Variants in IL22 observed in about 807,000 individuals in gnomAD.
The protein encoded by IL22 is interleukin 22.
IL22 carries 15 observed loss-of-function variants against 15.5 expected under a neutral mutation model. The ratio of observed to expected loss-of-function variants is 0.97; its 90% CI spans 0.65 to 1.49. IL22 has a LOEUF of 1.49. Among genes scored for constraint, IL22 ranks in the 40% most tolerant of loss-of-function variants. The probability of loss-of-function intolerance (pLI) is 0.00; values close to 1 mark genes in which losing one functional copy is unlikely to be tolerated. For missense variants in IL22, 225 were observed against 215.4 expected, an observed-to-expected ratio of 1.04 and a Z score of -0.28; for synonymous variants, 91 against 82.0, an observed-to-expected ratio of 1.11 and a Z score of -0.60.
At chr12:68,250,021 T>C (rs1184226977) in intron 5 of IL22, among the ~76,000 whole-genome samples, 2 of 152,202 alleles carry the variant, frequency 1.3e-5, no homozygotes, top group African/African-American at 4.8e-5. Flanking sequence ...AGGGAATTAA[T>C]GCCTCCCAAA....
At chr12:68,249,682 A>T (rs989198667) in intron 5 of IL22, among the ~76,000 whole-genome samples, 1 of 152,254 alleles carries the variant, frequency 6.6e-6, no homozygotes, top group African/African-American at 2.4e-5. Flanking sequence ...TCTCCAAGTC[A>T]AATGCAGATG....
intron 1 of IL22, 38 bp from the exon 2 acceptor site, chr12:68,253,532 G>T: frequency 9.3e-7 from 1 of 1,079,806 alleles, no homozygotes; most frequent in Non-Finnish European, 1.3e-6. Context: ...AATTAGTCAA[G>T]AAGTATTTCA....
chr12:68,253,272 C>A lies in IL22; in HGVS notation c.177G>T (p.Leu59=). ...QPYITNRTFM[L]AKEASLADNN... ...GGATTGAGATGTATACCTCCTTAGC[C>A]AGCATGAAGGTGCGGTTGGTGATAT... Residue 59 remains leucine (L), a synonymous_variant, in exon 2 of 6, where the codon CTG becomes CTT. Coordinates refer to ENST00000538666, the MANE Select transcript of IL22 (RefSeq NM_020525.5). 1.2e-6 allele frequency: 2 copies of A among 1,612,934 alleles called. No homozygotes were observed. Among genetic ancestry groups the A allele is most frequent in the Non-Finnish European group, 1.7e-6 (2 of 1,179,368 alleles).
intron 5 of IL22, among the ~76,000 whole-genome samples, chr12:68,250,575 G>T (rs115609072): frequency 6.6e-6 from 1 of 152,206 alleles, no homozygotes; most frequent in East Asian, 1.9e-4. Context: ...GTACCTGCTT[G>T]CAAGAGCGTC....
In IL22 at chr12:68,250,346, C is replaced by T. The variant is rs533254438; in HGVS notation, c.462+1167G>A. 4.6e-5 allele frequency among the ~76,000 whole-genome samples: 7 copies of T among 152,296 alleles called. No individual in the cohort carries two copies. In the South Asian group the frequency reaches 6.2e-4, roughly 14 times the overall value. ...CTGTGGCATGCTAACATTCAGCCCTCCATGTCTAGATAATAGTTCTATAAC... is the reference window on the plus strand; with the variant it reads ...CTGTGGCATGCTAACATTCAGCCCTTCATGTCTAGATAATAGTTCTATAAC... On this transcript the variant is annotated intron_variant, in intron 5 of 5. Coordinates refer to ENST00000538666, the MANE Select transcript of IL22 (RefSeq NM_020525.5).
chr12:68,251,498 A>G lies in IL22; in HGVS notation c.462+15T>C. ...TCCTATTGCATGACTTAGCATTGAC[A>G]GTTATCAGTCCTACCTTTTTCACTG... On this transcript the variant is annotated intron_variant, in intron 5 of 5. Coordinates refer to ENST00000538666, the MANE Select transcript of IL22 (RefSeq NM_020525.5). 6.3e-7 allele frequency: 1 copy of G among 1,579,898 alleles called. No individual in the cohort carries two copies. The highest frequency in any genetic ancestry group is 8.7e-7 in the Non-Finnish European group (1 of 1,148,844).
chr12:68,250,954 A>G (rs1869907629), intron 5 of IL22, among the ~76,000 whole-genome samples: 1 of 152,182 alleles, frequency 6.6e-6, no homozygotes. Flanking sequence ...TGATAATTCA[A>G]AATAAGTGTT....
At chr12:68,250,230 G>A (rs541089195) in intron 5 of IL22, among the ~76,000 whole-genome samples, 37 of 152,306 alleles carry the variant, frequency 2.4e-4, no homozygotes, top group African/African-American at 8.7e-4. Flanking sequence ...ATCACCATGA[G>A]ATTCTCCTCT....
Position 68,249,593 on chromosome 12 carries a change from G to A in IL22, c.463-717C>T, listed in dbSNP as rs114686546. Among the ~76,000 whole-genome samples, 404 of 152,222 alleles carry A rather than the reference G, an allele frequency of 2.7e-3. 3 individuals carry two copies. Among genetic ancestry groups the A allele is most frequent in the African/African-American group, 9.5e-3 (394 of 41,546 alleles). ...AAAAGAAAAGTTTTCACTTTTGTGG[G>A]AAAAATACCAAATAAGTCTTTTCCA... On this transcript the variant is annotated intron_variant, in intron 5 of 5. Coordinates refer to ENST00000538666, the MANE Select transcript of IL22 (RefSeq NM_020525.5).
At chr12:68,251,961 C>T (rs1869946447) in intron 4 of IL22, among the ~76,000 whole-genome samples, 1 of 152,186 alleles carries the variant, frequency 6.6e-6, no homozygotes, top group East Asian at 1.9e-4. Context: ...TTCAGTAAGT[C>T]CTAGGGCCTT....
Position 68,253,287 on chromosome 12 carries a change from G to A in IL22, c.162C>T (p.Asn54=), listed in dbSNP as rs866365966. The change falls in exon 2 of 6, where the codon AAC becomes AAT. Residue 54 remains asparagine (N), a synonymous_variant. Transcript: ENST00000538666. ...KSNFQQPYIT[N]RTFMLAKEAS... is the part of the protein sequence containing the mutation. ...CCTCCTTAGCCAGCATGAAGGTGCG[G>A]TTGGTGATATAGGGCTGCTGGAAGT... The A allele has an allele frequency of 6.2e-7, 1 of 1,613,608 alleles. No homozygotes were observed. Among genetic ancestry groups the A allele is most frequent in the South Asian group, 1.1e-5 (1 of 90,992 alleles).
Position 68,253,504 on chromosome 12 carries a change from G to A in IL22, c.-46-10C>T. On this transcript the variant is annotated splice_polypyrimidine_tract_variant and intron_variant, in intron 1 of 5. Transcript: ENST00000538666. Reference sequence around the variant, plus strand: ...ACTGGGGAAGGAGAACCTGGTCGAAGACAACGTGAAGGAACAAAATTAGTC... The same window carrying A: ...ACTGGGGAAGGAGAACCTGGTCGAAAACAACGTGAAGGAACAAAATTAGTC... 7.1e-7 allele frequency: 1 copy of A among 1,408,540 alleles called. No individual in the cohort carries two copies. The highest frequency in any genetic ancestry group is 9.6e-7 in the Non-Finnish European group (1 of 1,036,480). 87.3% of individuals were successfully genotyped at this position (1,408,540 alleles called of 1,614,324 possible).
rs1443628924 is a variant in IL22 at position 68,251,557 on chromosome 12, G to A, written c.418C>T (p.His140Tyr). Residue 140 changes from histidine to tyrosine, a missense_variant, in exon 5 of 6, where the codon CAT becomes TAT. Coordinates refer to ENST00000538666, the MANE Select transcript of IL22 (RefSeq NM_020525.5). ...STCHIEGDDL[H>Y]IQRNVQKLKD... ...AGCTTTTGCACATTCCTCTGGATAT[G>A]CAGGTCATCACCTTCAATATGCTAT... 1.6e-5 allele frequency: 25 copies of A among 1,612,120 alleles called. No individual in the cohort carries two copies. Among genetic ancestry groups the A allele is most frequent in the East Asian group, 2.2e-5 (1 of 44,874 alleles).
intron 5 of IL22, among the ~76,000 whole-genome samples, chr12:68,250,024 C>T (rs1869874428): frequency 6.6e-6 from 1 of 152,178 alleles, no homozygotes. Context: ...GAATTAATGC[C>T]TCCCAAAACC....
chr12:68,248,345 A>G lies in IL22; in HGVS notation c.*454T>C, dbSNP rs1368443097. 1 of 152,376 alleles carries G rather than the reference A, an allele frequency of 6.6e-6. No homozygotes were observed. The highest frequency in any genetic ancestry group is 2.4e-5 in the African/African-American group (1 of 41,456). 9.4% of individuals were successfully genotyped at this position (152,376 alleles called of 1,614,324 possible). Reference sequence around the variant, plus strand: ...CCTTACACTCAAGTAGCAATATCGAATGATGTTTCTATAAATAAATCCATA... The same window carrying G: ...CCTTACACTCAAGTAGCAATATCGAGTGATGTTTCTATAAATAAATCCATA... On this transcript the variant is annotated 3_prime_UTR_variant, in exon 6 of 6. Coordinates refer to ENST00000538666, the MANE Select transcript of IL22 (RefSeq NM_020525.5).
chr12:68,251,186 T>G (rs1413072500), intron 5 of IL22, among the ~76,000 whole-genome samples: 3 of 152,168 alleles, frequency 2.0e-5, no homozygotes, highest in Non-Finnish European at 1.5e-5. Context: ...AAAACTAATC[T>G]GTATCACCAC....
At chr12:68,251,758 A>G (rs1869939675) in intron 4 of IL22, among the ~76,000 whole-genome samples, 180 bp from the exon 5 acceptor site, 2 of 152,240 alleles carry the variant, frequency 1.3e-5, no homozygotes, top group African/African-American at 4.8e-5. Context: ...CTTGGACGCC[A>G]GAATCCAGTC....
chr12:68,248,717 A>C lies in IL22; in HGVS notation c.*82T>G. 9.3e-7 allele frequency: 1 copy of C among 1,079,718 alleles called. No homozygotes were observed. Among genetic ancestry groups the C allele is most frequent in the East Asian group, 2.5e-5 (1 of 40,086 alleles). The allele number at this position is 1,079,718 out of a possible 1,614,324, so 66.9% of individuals were successfully genotyped here. On this transcript the variant is annotated 3_prime_UTR_variant, in exon 6 of 6. Coordinates refer to ENST00000538666, the MANE Select transcript of IL22 (RefSeq NM_020525.5). ...TTGGCTTCCCATCTTCCTTTTGGTT[A>C]AAAAAAATCGCTTTGGGGCATCTAA...
Position 68,253,598 on chromosome 12 carries a change from T to G in IL22, c.-62A>C. 1 of 537,628 alleles carries G rather than the reference T, an allele frequency of 1.9e-6. No individual in the cohort carries two copies. The highest frequency in any genetic ancestry group is 3.1e-6 in the Non-Finnish European group (1 of 319,698). 33.3% of individuals were successfully genotyped at this position (537,628 alleles called of 1,614,324 possible). ...AAACGCTTACCTGTTCTGAAGATTC[T>G]GCTTGTGACGGGGAAGGTAGAAGCT... On this transcript the variant is annotated 5_prime_UTR_variant, in exon 1 of 6. Transcript: ENST00000538666.
Sources: gnomAD v4.1 joint callset for allele counts (sites outside exome capture counted in the v4.1 genomes callset) on GRCh38, gnomAD v4.1.1 for gene constraint, MANE v1.5 for transcripts, NCBI Gene and HGNC (gene_info 2026-07-23, HGNC 2026-07-21) for gene names.